Variants in CENPO observed in about 807,000 individuals in gnomAD.
CENPO encodes centromeric protein O.
CENPO carries 30 observed loss-of-function variants against 36.1 expected under a neutral mutation model. The ratio of observed to expected loss-of-function variants is 0.83; its 90% CI spans 0.62 to 1.13. The LOEUF (loss-of-function observed/expected upper bound fraction) is 1.13. Ranked by LOEUF, CENPO falls within the 50% of genes most tolerant of loss-of-function variation. The probability of loss-of-function intolerance (pLI) is 0.00; values close to 1 mark genes in which losing one functional copy is unlikely to be tolerated. For synonymous variants in CENPO, 171 were observed against 142.3 expected, an observed-to-expected ratio of 1.20 and a Z score of -1.44; for missense variants, 349 against 357.8, an observed-to-expected ratio of 0.98 and a Z score of 0.20.
rs1667433341 is a variant in CENPO at position 24,820,436 on chromosome 2, T to C, written c.*1118T>C. ...GTCCCTTTGCCCCTTTCGTGGAGCT[T>C]TTCTGCCAGACGCCACTGAGACAGA... On this transcript the variant is annotated 3_prime_UTR_variant, in exon 8 of 8. Coordinates refer to ENST00000380834, the MANE Select transcript of CENPO (RefSeq NM_001322101.2). The C allele has an allele frequency of 7.6e-7, 1 of 1,322,454 alleles. No homozygotes were observed. The highest frequency in any genetic ancestry group is 9.6e-7 in the Non-Finnish European group (1 of 1,038,804). The allele number at this position is 1,322,454 out of a possible 1,614,324, so 81.9% of individuals were successfully genotyped here.
At chr2:24,806,468 C>T (rs1666410991) in intron 3 of CENPO, among the ~76,000 whole-genome samples, 1 of 151,832 alleles carries the variant, frequency 6.6e-6, no homozygotes, top group South Asian at 2.1e-4. Flanking sequence ...TTGGCTCCAC[C>T]CCCTCACCTA....
intron 3 of CENPO, among the ~76,000 whole-genome samples, chr2:24,811,575 C>A (rs1666693264): frequency 6.6e-6 from 1 of 152,076 alleles, no homozygotes; most frequent in African/African-American, 2.4e-5. Flanking sequence ...CATTCTCCTG[C>A]CTCAGCCTCC....
Position 24,793,926 on chromosome 2 carries a change from C to G in CENPO, c.7C>G (p.Gln3Glu). MEQANPLRPDGES... is the reference protein window; with the variant it reads MEEANPLRPDGES... ...AGGCCCTTGGGAATCTGAGATGGAG[C>G]AGGCGAACCCTTTACGTCCAGATGG... Residue 3 changes from glutamine (Q) to glutamate (E), a missense_variant, in exon 2 of 8, where the codon CAG (glutamine) becomes GAG (glutamate). Coordinates refer to ENST00000380834, the MANE Select transcript of CENPO (RefSeq NM_001322101.2). 1.9e-6 allele frequency: 3 copies of G among 1,614,178 alleles called. No homozygotes were observed. Among genetic ancestry groups the G allele is most frequent in the Non-Finnish European group, 2.5e-6 (3 of 1,180,018 alleles).
At chr2:24,799,316 G>A (rs1002886153) in intron 2 of CENPO, among the ~76,000 whole-genome samples, 1 of 152,020 alleles carries the variant, frequency 6.6e-6, no homozygotes, top group Non-Finnish European at 1.5e-5. Flanking sequence ...GCTTCTCTCC[G>A]GCCTGTGGTA....
intron 2 of CENPO, among the ~76,000 whole-genome samples, chr2:24,794,224 G>A (rs1665777201): frequency 6.6e-6 from 1 of 152,196 alleles, no homozygotes; most frequent in African/African-American, 2.4e-5. Context: ...TCTGAACTGC[G>A]GTTCTAGCCA....
In CENPO at chr2:24,820,551, T is replaced by C. The variant is rs140358677; in HGVS notation, c.*1233T>C. 1.6e-4 allele frequency: 221 copies of C among 1,413,542 alleles called. No homozygotes were observed. The East Asian group carries it at 4.8e-3, about 31-fold the overall frequency. The allele number at this position is 1,413,542 out of a possible 1,614,324, so 87.6% of individuals were successfully genotyped here. A position where few individuals can be genotyped will look rare whatever the true frequency, so the allele number is the denominator to read the frequency against. On this transcript the variant is annotated 3_prime_UTR_variant, in exon 8 of 8. Coordinates refer to ENST00000380834, the MANE Select transcript of CENPO (RefSeq NM_001322101.2). ...TTTTGTGGATGGGTGGAAGTGTTTC[T>C]TCCTGTGCTGAGGCTAGCTATTGCA...
In CENPO at chr2:24,817,950, G is replaced by A. The variant is rs966050865; in HGVS notation, c.*35+109G>A. The A allele has an allele frequency of 1.3e-5, 11 of 854,540 alleles. No homozygotes were observed. In the Admixed American group the frequency reaches 2.5e-4, roughly 20 times the overall value. 52.9% of individuals were successfully genotyped at this position (854,540 alleles called of 1,614,324 possible). ...CCTACCTGTTCATCTGGATGGAAGA[G>A]CAGGTTTGAGTATAGACACTGGCAT... is the stretch of plus-strand genomic sequence containing the variant. On this transcript the variant is annotated intron_variant, in intron 7 of 7. Transcript: ENST00000380834.
intron 1 of CENPO, 61 bp from the exon 2 acceptor site, chr2:24,793,791 T>A (rs1284491693): frequency 1.6e-6 from 2 of 1,282,212 alleles, no homozygotes; most frequent in Non-Finnish European, 2.3e-6. Context: ...GTGTGTGCCC[T>A]GCCGTCTGGG....
intron 3 of CENPO, among the ~76,000 whole-genome samples, chr2:24,810,047 C>CAAAAAAAAAAAAA (rs34117565): frequency 7.5e-6 from 1 of 133,682 alleles, no homozygotes. Flanking sequence ...AACTATGTCT[C>CAAAAAAAAAAAAA]AAAAAAAAAA....
Position 24,821,579 on chromosome 2 carries a change from G to A in CENPO, c.*2261G>A, listed in dbSNP as rs1404114442. ...GATGTTGGTGAGCGTATCCTTCATG[G>A]CCAGCGCGAAGTCGGCCAGGTCAGC... On this transcript the variant is annotated 3_prime_UTR_variant, in exon 8 of 8. Transcript: ENST00000380834. The A allele has an allele frequency of 6.2e-7, 1 of 1,614,026 alleles. No homozygotes were observed. Among genetic ancestry groups the A allele is most frequent in the African/African-American group, 1.3e-5 (1 of 74,932 alleles).
chr2:24,814,347 C>G, intron 3 of CENPO, 29 bp from the exon 4 acceptor site: 4 of 1,101,264 alleles, frequency 3.6e-6, no homozygotes, highest in Non-Finnish European at 5.6e-6. Flanking sequence ...CCTCTTTGTA[C>G]CAAGATTGAT....
chr2:24,818,391 T>TAAA lies in CENPO; in HGVS notation c.*35+552_*35+554dup, dbSNP rs369203960. Among the ~76,000 whole-genome samples, 311 of 151,638 alleles carry TAAA rather than the reference T, an allele frequency of 2.1e-3. 2 individuals carry two copies. Among genetic ancestry groups the TAAA allele is most frequent in the African/African-American group, 6.5e-3 (268 of 41,188 alleles). On this transcript the variant is annotated intron_variant, in intron 7 of 7. Transcript: ENST00000380834. ...GGAAGACCCAATATTTTTTTTTTTTTAAAAGGAAAGTATTTTTAGCTTTTA... is the reference window on the plus strand; with the variant it reads ...GGAAGACCCAATATTTTTTTTTTTTTAAAAAAAGGAAAGTATTTTTAGCTTTTA...
chr2:24,821,349 G>C lies in CENPO; in HGVS notation c.*2031G>C. ...GCTGGGTTTTTGGTTTAGTCATCTA[G>C]AGTCGTCTGGACTAAAGGTCTTTCA... On this transcript the variant is annotated 3_prime_UTR_variant, in exon 8 of 8. Coordinates refer to ENST00000380834, the MANE Select transcript of CENPO (RefSeq NM_001322101.2). 1 of 973,938 alleles carries C rather than the reference G, an allele frequency of 1.0e-6. No individual in the cohort carries two copies. Among genetic ancestry groups the C allele is most frequent in the Non-Finnish European group, 1.5e-6 (1 of 663,620 alleles). 60.3% of individuals were successfully genotyped at this position (973,938 alleles called of 1,614,324 possible).
intron 3 of CENPO, among the ~76,000 whole-genome samples, chr2:24,813,170 C>T (rs1055734774): frequency 1.3e-5 from 2 of 152,088 alleles, no homozygotes; most frequent in East Asian, 1.9e-4. Context: ...GGCTTGAACC[C>T]GGGAGGCGGA....
chr2:24,798,772 CT>C (rs926285844), intron 2 of CENPO, among the ~76,000 whole-genome samples: 1 of 151,468 alleles, frequency 6.6e-6, no homozygotes, highest in African/African-American at 2.4e-5. Flanking sequence ...ATCTCACATA[CT>C]TTTTTTTAAT....
chr2:24,820,274 C>T lies in CENPO; in HGVS notation c.*956C>T, dbSNP rs558434136. 31 of 1,226,098 alleles carry T rather than the reference C, an allele frequency of 2.5e-5. No individual in the cohort carries two copies. Among genetic ancestry groups the T allele is most frequent in the African/African-American group, 9.3e-5 (6 of 64,226 alleles). 76.0% of individuals were successfully genotyped at this position (1,226,098 alleles called of 1,614,324 possible). A position where few individuals can be genotyped will look rare whatever the true frequency, so the allele number is the denominator to read the frequency against. On this transcript the variant is annotated 3_prime_UTR_variant, in exon 8 of 8. Transcript: ENST00000380834. ...CAGGGCCAAGCCCTTCCACCCGTGG[C>T]GAGCAGCGGGTGGGAAGGAGAACCC...
At chr2:24,809,096 C>T (rs1666562015) in intron 3 of CENPO, among the ~76,000 whole-genome samples, 1 of 151,988 alleles carries the variant, frequency 6.6e-6, no homozygotes, top group African/African-American at 2.4e-5. Flanking sequence ...GCAGTTTGTT[C>T]ATTTTATGTA....
At position 24,814,437 on chromosome 2, in the gene CENPO, C is replaced by T; in HGVS notation, c.278C>T (p.Ala93Val). ...NQTVEINEQEALEEKLENVKA... is the reference protein window; with the variant it reads ...NQTVEINEQEVLEEKLENVKA... Reference sequence around the variant, plus strand: ...ACAGTGGAGATCAATGAGCAAGAAGCATTGGAAGAGAAATTGGAAAATGTG... The same window carrying T: ...ACAGTGGAGATCAATGAGCAAGAAGTATTGGAAGAGAAATTGGAAAATGTG... Residue 93 changes from alanine (A) to valine (V), a missense_variant, in exon 4 of 8, where the codon GCA becomes GTA. Physicochemically the swap from Ala to Val is moderately conservative, Grantham distance 64. Transcript: ENST00000380834. 6.2e-7 allele frequency: 1 copy of T among 1,608,078 alleles called. No homozygotes were observed. The highest frequency in any genetic ancestry group is 8.5e-7 in the Non-Finnish European group (1 of 1,174,552).
In CENPO at chr2:24,801,583, G is replaced by C. The variant is rs544605845; in HGVS notation, c.216+1739G>C. ...TTCCCAGCACCATTTATTAAATAGG[G>C]AATCCTTCCCCATTTCTTGTTTTTG... On this transcript the variant is annotated intron_variant, in intron 3 of 7. Coordinates refer to ENST00000380834, the MANE Select transcript of CENPO (RefSeq NM_001322101.2). Among the ~76,000 whole-genome samples, 15 of 152,260 alleles carry C rather than the reference G, an allele frequency of 9.9e-5. No homozygotes were observed. The East Asian group carries it at 2.7e-3, about 27-fold the overall frequency.
Sources: allele counts gnomAD v4.1 joint callset (sites outside exome capture counted in the v4.1 genomes callset), GRCh38; gene constraint gnomAD v4.1.1; transcripts MANE v1.5; gene names NCBI Gene and HGNC (gene_info 2026-07-23, HGNC 2026-07-21).